The following NRXN3 variants were observed in gnomAD, a reference collection of about 807,000 sequenced individuals.
The protein encoded by NRXN3 is neurexin 3.
Under a neutral mutation model 137.6 loss-of-function variants are expected in NRXN3, and 32 were observed. That is an observed-to-expected ratio of 0.23 (90% CI 0.18 to 0.31). NRXN3 has a LOEUF of 0.31. Ranked by LOEUF, NRXN3 falls within the 10% of genes least tolerant of loss-of-function variation. The pLI is 1.00. For missense variants in NRXN3, 1,574 were observed against 2,062.5 expected (o/e 0.76, Z 4.59); for synonymous variants, 798 against 784.5 (o/e 1.02, Z -0.29).
At chr14:79,065,987 C>T (rs112446296) in intron 15 of NRXN3, among the ~76,000 whole-genome samples, 2 of 152,074 alleles carry the variant, frequency 1.3e-5, no homozygotes, top group Non-Finnish European at 2.9e-5. Context: ...TGCAGAAGCT[C>T]TTTAGCTTAA....
chr14:79,043,790 A>G (rs758478880), intron 15 of NRXN3, among the ~76,000 whole-genome samples: 7 of 152,156 alleles, frequency 4.6e-5, no homozygotes, highest in Non-Finnish European at 1.0e-4. Flanking sequence ...TGATTGCATA[A>G]CAGGGTATGT....
chr14:78,407,248 A>G (rs1436248532), intron 4 of NRXN3, among the ~76,000 whole-genome samples: 2 of 152,126 alleles, frequency 1.3e-5, no homozygotes, highest in African/African-American at 4.8e-5. Context: ...GTAATGAAAA[A>G]AAAATACTGC....
intron 4 of NRXN3, among the ~76,000 whole-genome samples, chr14:78,617,959 A>T (rs535852969): frequency 4.0e-5 from 6 of 151,072 alleles, no homozygotes; most frequent in African/African-American, 1.5e-4. Flanking sequence ...TGTATCAATT[A>T]TCACCTATTT....
chr14:79,860,960 A>G, intron 20 of NRXN3: 1 of 809,098 alleles, frequency 1.2e-6, no homozygotes. Context: ...TTTCTGAGGC[A>G]TAATCTGTGA....
intron 2 of NRXN3, among the ~76,000 whole-genome samples, chr14:78,267,524 C>G (rs2071961816): frequency 1.3e-5 from 2 of 152,112 alleles, no homozygotes; most frequent in South Asian, 2.1e-4. Flanking sequence ...AGACCCCTCT[C>G]TGTACCAAAA....
chr14:78,857,895 T>A (rs1596554794), intron 10 of NRXN3, among the ~76,000 whole-genome samples: 1 of 152,172 alleles, frequency 6.6e-6, no homozygotes. Context: ...ATAGTGGAGG[T>A]TACTGAATGC....
At chr14:79,067,419 A>C (rs2099682151) in intron 15 of NRXN3, among the ~76,000 whole-genome samples, 2 of 151,976 alleles carry the variant, frequency 1.3e-5, no homozygotes. Flanking sequence ...TATTGGCCTG[A>C]ATTTTTCTTT....
At chr14:79,773,638 G>T (rs1322244150) in intron 19 of NRXN3, among the ~76,000 whole-genome samples, 1 of 106,942 alleles carries the variant, frequency 9.4e-6, no homozygotes. Context: ...TGGGGTGGGG[G>T]GAGGGGGGAG....
At chr14:79,007,884 A>G (rs2099556841) in intron 15 of NRXN3, among the ~76,000 whole-genome samples, 1 of 150,532 alleles carries the variant, frequency 6.6e-6, no homozygotes, top group Non-Finnish European at 1.5e-5. Flanking sequence ...AATCATGGTT[A>G]TTTACCACCC....
chr14:79,671,325 A>G (rs1009656332), intron 17 of NRXN3, among the ~76,000 whole-genome samples: 1 of 152,116 alleles, frequency 6.6e-6, no homozygotes, highest in African/African-American at 2.4e-5. Flanking sequence ...CATATCCTAG[A>G]AATTCTGGGT....
chr14:79,287,002 C>A (rs1462262387), intron 15 of NRXN3, among the ~76,000 whole-genome samples: 1 of 152,074 alleles, frequency 6.6e-6, no homozygotes, highest in African/African-American at 2.4e-5. Context: ...TTTTATGAGA[C>A]ATATTTTCAT....
intron 15 of NRXN3, among the ~76,000 whole-genome samples, chr14:79,242,982 C>G (rs1206343226): frequency 1.3e-5 from 2 of 151,992 alleles, no homozygotes; most frequent in Non-Finnish European, 2.9e-5. Context: ...AAACAAAATC[C>G]CAGAAGAATA....
intron 4 of NRXN3, among the ~76,000 whole-genome samples, chr14:78,381,645 A>G (rs766318150): frequency 1.3e-5 from 2 of 152,210 alleles, no homozygotes; most frequent in Admixed American, 6.5e-5. Flanking sequence ...TCTATAGGAG[A>G]TTATATTATA....
chr14:79,327,024 A>G lies in NRXN3; in HGVS notation c.3263-140197A>G, dbSNP rs540792793. ...CATCTTGAGATGGAGAATTAGAAGCAAATTTGCCCTTGCTTTTCTTCTTAA... is the reference window on the plus strand; with the variant it reads ...CATCTTGAGATGGAGAATTAGAAGCGAATTTGCCCTTGCTTTTCTTCTTAA... On this transcript the variant is annotated intron_variant, in intron 15 of 20. Coordinates refer to ENST00000335750, the MANE Select transcript of NRXN3 (RefSeq NM_001330195.2). Among the ~76,000 whole-genome samples the G allele has an allele frequency of 2.5e-3, 375 of 152,312 alleles. 2 individuals are homozygous for G. Among genetic ancestry groups the G allele is most frequent in the African/African-American group, 8.9e-3 (371 of 41,578 alleles).
At chr14:78,315,089 G>T (rs1270858324) in intron 4 of NRXN3, among the ~76,000 whole-genome samples, 1 of 150,868 alleles carries the variant, frequency 6.6e-6, no homozygotes, top group Admixed American at 6.6e-5. Flanking sequence ...TCAGCTCACT[G>T]CAACCTTTGC....
intron 15 of NRXN3, among the ~76,000 whole-genome samples, chr14:79,322,510 A>G (rs2090196649): frequency 6.6e-6 from 1 of 152,188 alleles, no homozygotes; most frequent in Non-Finnish European, 1.5e-5. Context: ...GAGAGAACCT[A>G]TGGCATGAAG....
At chr14:79,578,506 G>A (rs1166955528) in intron 16 of NRXN3, among the ~76,000 whole-genome samples, 2 of 152,094 alleles carry the variant, frequency 1.3e-5, no homozygotes, top group East Asian at 3.9e-4. Context: ...TCGTTGGTGT[G>A]ACTCACAACC....
At chr14:78,176,900 C>G (rs576717593) in intron 1 of NRXN3, among the ~76,000 whole-genome samples, 44 of 152,028 alleles carry the variant, frequency 2.9e-4, no homozygotes, top group African/African-American at 1.0e-3. Context: ...GGCACACTTG[C>G]AGAGCTAGAG....
chr14:78,661,797 A>G (rs2097843908), intron 6 of NRXN3, among the ~76,000 whole-genome samples: 1 of 152,204 alleles, frequency 6.6e-6, no homozygotes, highest in South Asian at 2.1e-4. Context: ...AATTATACCT[A>G]CTTGATAGGG....
Sources: gnomAD v4.1 joint callset for allele counts (sites outside exome capture counted in the v4.1 genomes callset) on GRCh38, gnomAD v4.1.1 for gene constraint, MANE v1.5 for transcripts, NCBI Gene and HGNC (gene_info 2026-07-23, HGNC 2026-07-21) for gene names.